Variants in LARP1B observed in about 807,000 individuals in gnomAD.
LARP1B encodes the protein La ribonucleoprotein 1B, also known as la-related protein 1B.
In LARP1B, 76 loss-of-function variants were observed where a neutral mutation model predicts 114.2. The observed-to-expected ratio is 0.67, with a 90% CI of 0.55 to 0.81. LARP1B has a LOEUF of 0.81. Among genes scored for constraint, LARP1B ranks in the 30% least tolerant of loss-of-function variants. The pLI is 0.00. For missense variants in LARP1B, 1,014 were observed against 1,075.8 expected (o/e 0.94, Z 0.80); for synonymous variants, 345 against 348.0 (o/e 0.99, Z 0.10).
At chr4:128,167,976 G>A (rs986316418) in intron 12 of LARP1B, among the ~76,000 whole-genome samples, 1 of 152,000 alleles carries the variant, frequency 6.6e-6, no homozygotes, top group African/African-American at 2.4e-5. Flanking sequence ...TTGACAAGTA[G>A]TATTCCATTG....
intron 12 of LARP1B, among the ~76,000 whole-genome samples, chr4:128,174,510 C>T (rs967017242): frequency 1.3e-5 from 2 of 151,780 alleles, no homozygotes; most frequent in Non-Finnish European, 2.9e-5. Context: ...GTTGATCTTA[C>T]AAAATTAATA....
intron 8 of LARP1B, among the ~76,000 whole-genome samples, chr4:128,098,771 T>A (rs1478716885): frequency 0.22 from 3,604 of 16,282 alleles, 201 homozygotes; most frequent in African/African-American, 0.31. Context: ...ATATATATTT[T>A]TTTTTTTTTT....
intron 14 of LARP1B, among the ~76,000 whole-genome samples, chr4:128,178,896 G>T (rs34816181): frequency 0.59 from 88,853 of 151,836 alleles, 27,281 homozygotes; most frequent in Middle Eastern, 0.8. Flanking sequence ...AGTTGGAGAC[G>T]AGCCTGGGCA....
In LARP1B at chr4:128,178,485, C is replaced by G. The variant is rs1041255360; in HGVS notation, c.1739C>G (p.Ala580Gly). 5 of 1,613,978 alleles carry G rather than the reference C, an allele frequency of 3.1e-6. 1 individual carries two copies. The South Asian group carries it at 5.5e-5, about 18-fold the overall frequency. The change falls in exon 14 of 20, where the codon GCA becomes GGA. Residue 580 changes from alanine to glycine, a missense_variant. Ala to Gly is a moderately conservative substitution (Grantham distance 60). Transcript: ENST00000326639. ...KLFDVSEITS[A>G]AMVHSLPTAV... ...TTTGATGTTTCAGAAATAACTTCAGCAGCAATGGTTCATTCGTTGCCTACA... is the reference window on the plus strand; with the variant it reads ...TTTGATGTTTCAGAAATAACTTCAGGAGCAATGGTTCATTCGTTGCCTACA...
chr4:128,179,443 C>A lies in LARP1B; in HGVS notation c.1934C>A (p.Pro645His), dbSNP rs1229738605. The A allele has an allele frequency of 6.2e-7, 1 of 1,610,336 alleles. No homozygotes were observed. Among genetic ancestry groups the A allele is most frequent in the South Asian group, 1.1e-5 (1 of 90,214 alleles). Reference sequence around the variant, plus strand: ...AGAAAAACAAGGCATAGCACAAATCCCCCTCTAGAGTGTCATGTTGGTTGG... The same window carrying A: ...AGAAAAACAAGGCATAGCACAAATCACCCTCTAGAGTGTCATGTTGGTTGG... ...RKRKTRHSTN[P>H]PLECHVGWVM... The change falls in exon 15 of 20, where the codon CCC becomes CAC. Residue 645 changes from proline (P) to histidine (H), a missense_variant. Pro to His is a moderately conservative substitution (Grantham distance 77, BLOSUM62 -2). Transcript: ENST00000326639.
At chr4:128,135,314 C>T (rs187483457) in intron 11 of LARP1B, among the ~76,000 whole-genome samples, 23 of 152,134 alleles carry the variant, frequency 1.5e-4, no homozygotes, top group Non-Finnish European at 3.1e-4. Flanking sequence ...CCCTTGCGAA[C>T]TCTCATGTGA....
chr4:128,216,896 A>G (rs991943175), downstream of LARP1B, among the ~76,000 whole-genome samples: 3 of 152,226 alleles, frequency 2.0e-5, no homozygotes, highest in African/African-American at 7.2e-5. Context: ...ATAGACCGCT[A>G]GCAAGACTAA....
chr4:128,183,204 T>G (rs965229975), intron 15 of LARP1B, among the ~76,000 whole-genome samples: 1 of 152,192 alleles, frequency 6.6e-6, no homozygotes, highest in Non-Finnish European at 1.5e-5. Flanking sequence ...AGATTTTCAG[T>G]GTAGACAAAA....
intron 11 of LARP1B, among the ~76,000 whole-genome samples, chr4:128,152,022 C>T (rs760422067): frequency 6.6e-6 from 1 of 152,104 alleles, no homozygotes; most frequent in South Asian, 2.1e-4. Flanking sequence ...GTGATTTGGT[C>T]ATTTGGTTAT....
In LARP1B at chr4:128,112,466, A is replaced by ATTTTTT. The variant is rs1174266918; in HGVS notation, c.989-2084_989-2079dup. 2.3e-3 allele frequency among the ~76,000 whole-genome samples: 158 copies of ATTTTTT among 69,312 alleles called. 3 individuals are homozygous for ATTTTTT. Among genetic ancestry groups the ATTTTTT allele is most frequent in the Middle Eastern group, 0.02 (1 of 50 alleles). The allele number at this position is 69,312 out of a possible 152,430, so 45.5% of individuals were successfully genotyped here. ...ACTGCATATAGCTAATGCTTACTCT[A>ATTTTTT]TTTTTTTTTTTTTTTTTTTTTTTTT... On this transcript the variant is annotated intron_variant, in intron 9 of 19. Coordinates refer to ENST00000326639, the MANE Select transcript of LARP1B (RefSeq NM_018078.4).
chr4:128,221,065 G>A (rs1397531915), intron 7 of LARP1B, among the ~76,000 whole-genome samples: 1 of 152,122 alleles, frequency 6.6e-6, no homozygotes, highest in Non-Finnish European at 1.5e-5. Flanking sequence ...GATTCTTGTG[G>A]TTAAGACTGC....
At chr4:128,145,080 T>C (rs1045594775) in intron 11 of LARP1B, among the ~76,000 whole-genome samples, 4 of 152,230 alleles carry the variant, frequency 2.6e-5, no homozygotes, top group African/African-American at 9.6e-5. Context: ...CTGAAGGATG[T>C]TGAGTTTTTT....
At chr4:128,090,534 T>C (rs913359522) in intron 5 of LARP1B, among the ~76,000 whole-genome samples, 1 of 152,226 alleles carries the variant, frequency 6.6e-6, no homozygotes, top group Non-Finnish European at 1.5e-5. Flanking sequence ...GTACTCTAGA[T>C]AGAATTTCTA....
intron 12 of LARP1B, among the ~76,000 whole-genome samples, chr4:128,170,584 G>A (rs573167386): frequency 6.6e-6 from 1 of 152,170 alleles, no homozygotes; most frequent in East Asian, 1.9e-4. Context: ...ATTCATATAT[G>A]TTGTCCTTGT....
intron 15 of LARP1B, among the ~76,000 whole-genome samples, chr4:128,198,613 G>A (rs868656220): frequency 6.6e-6 from 1 of 152,200 alleles, no homozygotes; most frequent in South Asian, 2.1e-4. Context: ...CAACATAGAG[G>A]CAAGGGCCAA....
intron 3 of LARP1B, 144 bp downstream of exon 3, chr4:128,075,137 C>A: frequency 1.6e-6 from 1 of 628,614 alleles, no homozygotes; most frequent in Non-Finnish European, 2.8e-6. Context: ...GGGTCTTGCT[C>A]TGTCTCCAGG....
intron 1 of LARP1B, among the ~76,000 whole-genome samples, chr4:128,062,653 G>A (rs1395195580): frequency 7.1e-6 from 1 of 140,198 alleles, no homozygotes; most frequent in African/African-American, 2.6e-5. Context: ...GGATTTATTC[G>A]TAAGTGGAAG....
chr4:128,064,270 T>TCAAAA (rs1761561103), intron 1 of LARP1B, among the ~76,000 whole-genome samples: 1 of 2,626 alleles, frequency 3.8e-4, no homozygotes, highest in Non-Finnish European at 1.1e-3. Context: ...AGACTCAGTC[T>TCAAAA]CAAAAAAAAA....
At chr4:128,184,577 T>C (rs1052350217) in intron 15 of LARP1B, among the ~76,000 whole-genome samples, 2 of 152,212 alleles carry the variant, frequency 1.3e-5, no homozygotes, top group African/African-American at 2.4e-5. Context: ...TTTTTTCCTT[T>C]TCTTTTTAAG....
Sources: gnomAD v4.1 joint callset for allele counts (sites outside exome capture counted in the v4.1 genomes callset) on GRCh38, gnomAD v4.1.1 for gene constraint, MANE v1.5 for transcripts, NCBI Gene and HGNC (gene_info 2026-07-23, HGNC 2026-07-21) for gene names.